ANKS1B: variants seen among roughly 807,000 people sequenced by gnomAD.
The protein encoded by ANKS1B is ankyrin repeat and sterile alpha motif domain-containing protein 1B.
In ANKS1B, 36 loss-of-function variants were observed where a neutral mutation model predicts 148.3. The observed-to-expected ratio is 0.24, with a 90% CI of 0.19 to 0.32. The LOEUF (loss-of-function observed/expected upper bound fraction) is 0.32. Among genes scored for constraint, ANKS1B ranks in the 10% least tolerant of loss-of-function variants. The pLI is 1.00. For synonymous variants in ANKS1B, 542 were observed against 560.8 expected, an observed-to-expected ratio of 0.97 and a Z score of 0.47; for missense variants, 1,157 against 1,542.6, an observed-to-expected ratio of 0.75 and a Z score of 4.19.
intron 15 of ANKS1B, among the ~76,000 whole-genome samples, chr12:99,126,326 C>A (rs911995536): frequency 1.3e-5 from 2 of 152,096 alleles, no homozygotes; most frequent in Non-Finnish European, 2.9e-5. Flanking sequence ...ATGAGCTTCC[C>A]TGGATGGCAG....
intron 8 of ANKS1B, among the ~76,000 whole-genome samples, chr12:99,767,237 T>C (rs544711996): frequency 2.6e-5 from 4 of 152,206 alleles, no homozygotes; most frequent in Admixed American, 2.6e-4. Flanking sequence ...GAGGCATAGT[T>C]GCTGAACAAA....
chr12:99,238,637 T>A (rs1307109701), intron 14 of ANKS1B, among the ~76,000 whole-genome samples: 1 of 152,206 alleles, frequency 6.6e-6, no homozygotes, highest in Non-Finnish European at 1.5e-5. Context: ...GTAGCCTGAC[T>A]GGGAGACATC....
intron 4 of ANKS1B, among the ~76,000 whole-genome samples, chr12:99,806,164 A>G (rs979551218): frequency 2.6e-5 from 4 of 152,226 alleles, no homozygotes; most frequent in Non-Finnish European, 4.4e-5. Context: ...TACCACACAC[A>G]ACTGCCATCT....
intron 17 of ANKS1B, among the ~76,000 whole-genome samples, chr12:99,013,160 C>T (rs937859612): frequency 6.6e-6 from 1 of 152,214 alleles, no homozygotes; most frequent in African/African-American, 2.4e-5. Flanking sequence ...AACAATAACA[C>T]AGTCATTAAT....
chr12:98,998,685 C>A lies in ANKS1B; in HGVS notation c.2778+54472G>T, dbSNP rs1330727708. On this transcript the variant is annotated intron_variant, in intron 17 of 26. Transcript: ENST00000683438. ...TTCATGTGTCTATGTAAAAAAGAGG[C>A]AGAAAAAAATCCTCAGCACTCTAGA... Among the ~76,000 whole-genome samples the A allele has an allele frequency of 2.6e-5, 4 of 152,042 alleles. No individual in the cohort carries two copies. The East Asian group carries it at 7.7e-4, about 29-fold the overall frequency.
At chr12:99,280,856 CT>C (rs1172738415) in intron 12 of ANKS1B, among the ~76,000 whole-genome samples, 6 of 151,204 alleles carry the variant, frequency 4.0e-5, no homozygotes, top group Admixed American at 2.6e-4. Flanking sequence ...CTCTCTCTCT[CT>C]CTCTCTCTGT....
intron 17 of ANKS1B, among the ~76,000 whole-genome samples, chr12:98,980,413 A>G (rs1038790518): frequency 1.3e-5 from 2 of 152,160 alleles, no homozygotes; most frequent in Admixed American, 6.5e-5. Flanking sequence ...TCACCGTGTT[A>G]GCCAGGATGG....
chr12:99,489,397 A>T (rs2096534254), intron 10 of ANKS1B, among the ~76,000 whole-genome samples: 1 of 152,212 alleles, frequency 6.6e-6, no homozygotes, highest in Non-Finnish European at 1.5e-5. Flanking sequence ...TATTCTTTTT[A>T]CTTTCTATAT....
chr12:99,667,477 G>T (rs2098515127), intron 8 of ANKS1B, among the ~76,000 whole-genome samples: 1 of 152,104 alleles, frequency 6.6e-6, no homozygotes, highest in African/African-American at 2.4e-5. Flanking sequence ...TTTAGGTCTA[G>T]TTGCTTTCCT....
intron 1 of ANKS1B, among the ~76,000 whole-genome samples, 164 bp downstream of exon 1, chr12:99,983,940 T>G (rs1226296125): frequency 6.6e-6 from 1 of 152,204 alleles, no homozygotes; most frequent in East Asian, 1.9e-4. Context: ...TCAATCTGAC[T>G]GGGAGGCTCA....
intron 17 of ANKS1B, among the ~76,000 whole-genome samples, chr12:98,998,681 G>A (rs2099931131): frequency 6.6e-6 from 1 of 152,144 alleles, no homozygotes; most frequent in Admixed American, 6.5e-5. Context: ...ATGTAAAAAA[G>A]AGGCAGAAAA....
At chr12:99,456,541 T>C (rs900636158) in intron 10 of ANKS1B, among the ~76,000 whole-genome samples, 1 of 151,932 alleles carries the variant, frequency 6.6e-6, no homozygotes, top group Non-Finnish European at 1.5e-5. Context: ...AGGATATGAA[T>C]GGAAAAATCT....
intron 14 of ANKS1B, among the ~76,000 whole-genome samples, chr12:99,223,534 A>T (rs2085433359): frequency 6.6e-6 from 1 of 152,020 alleles, no homozygotes; most frequent in South Asian, 2.1e-4. Context: ...CACACAGTCT[A>T]TGCAGTTCAC....
At chr12:99,518,590 TTC>T (rs908647963) in intron 9 of ANKS1B, among the ~76,000 whole-genome samples, 2 of 152,094 alleles carry the variant, frequency 1.3e-5, no homozygotes, top group Non-Finnish European at 1.5e-5. Flanking sequence ...TATTTGGATC[TTC>T]TCTCTTTTTT....
intron 10 of ANKS1B, among the ~76,000 whole-genome samples, chr12:99,451,876 T>C (rs1467961672): frequency 6.6e-6 from 1 of 152,110 alleles, no homozygotes; most frequent in Non-Finnish European, 1.5e-5. Flanking sequence ...TTACTATTAT[T>C]ATCAGATATA....
intron 10 of ANKS1B, among the ~76,000 whole-genome samples, chr12:99,493,868 A>C (rs764926955): frequency 6.6e-6 from 1 of 152,314 alleles, no homozygotes; most frequent in South Asian, 2.1e-4. Context: ...AGTTAAGAGA[A>C]GTGGTCTAGC....
chr12:99,235,380 T>C (rs915366060), intron 14 of ANKS1B, among the ~76,000 whole-genome samples: 3 of 152,160 alleles, frequency 2.0e-5, no homozygotes, highest in Admixed American at 6.6e-5. Context: ...AGCTTGAATA[T>C]CCTCAGTATT....
At chr12:98,815,344 T>C (rs79717443) in intron 19 of ANKS1B, among the ~76,000 whole-genome samples, 1 of 152,186 alleles carries the variant, frequency 6.6e-6, no homozygotes, top group Non-Finnish European at 1.5e-5. Flanking sequence ...TTTTCTATTT[T>C]CCTTGACCTA....
chr12:99,142,902 T>C (rs777896875), intron 15 of ANKS1B, among the ~76,000 whole-genome samples: 10 of 152,134 alleles, frequency 6.6e-5, no homozygotes, highest in Non-Finnish European at 1.2e-4. Flanking sequence ...TTACTTGTCT[T>C]AGGCTAACAG....
Sources: allele counts gnomAD v4.1 joint callset (sites outside exome capture counted in the v4.1 genomes callset), GRCh38; gene constraint gnomAD v4.1.1; transcripts MANE v1.5; gene names NCBI Gene and HGNC (gene_info 2026-07-23, HGNC 2026-07-21).